Variants in CAST observed in about 807,000 individuals in gnomAD.
CAST encodes the protein calpastatin.
Under a neutral mutation model 119.6 loss-of-function variants are expected in CAST, and 76 were observed. That is an observed-to-expected ratio of 0.64 (90% CI 0.53 to 0.77). The LOEUF (loss-of-function observed/expected upper bound fraction) is 0.77. CAST is among the 30% of genes least tolerant of loss of function. CAST has a pLI of 0.00. For synonymous variants in CAST, 319 were observed against 331.6 expected (o/e 0.96, Z 0.41); for missense variants, 953 against 946.5 (o/e 1.01, Z -0.09).
chr5:96,427,208 G>C, the CAST span, among the ~76,000 whole-genome samples: 2 of 152,116 alleles, frequency 1.3e-5, no homozygotes, highest in Non-Finnish European at 2.9e-5. Context: ...TGAAAACCAA[G>C]AGCAATTTTT....
At chr5:96,422,200 G>A in the CAST span, among the ~76,000 whole-genome samples, 1 of 152,146 alleles carries the variant, frequency 6.6e-6, no homozygotes, top group African/African-American at 2.4e-5. Context: ...CCAAGCCTAT[G>A]GTTCACAGGC....
chr5:96,120,488 T>A, the CAST span, among the ~76,000 whole-genome samples: 1 of 151,708 alleles, frequency 6.6e-6, no homozygotes, highest in African/African-American at 2.4e-5. Context: ...TCTGTGAGCT[T>A]TTTTTTCTTT....
At chr5:96,143,990 A>G in the CAST span, among the ~76,000 whole-genome samples, 2 of 152,214 alleles carry the variant, frequency 1.3e-5, no homozygotes, top group Non-Finnish European at 2.9e-5. Flanking sequence ...TTCTATACAT[A>G]TACTTGGTAG....
the CAST span, among the ~76,000 whole-genome samples, chr5:96,261,921 C>T: frequency 1.3e-5 from 2 of 152,248 alleles, no homozygotes; most frequent in South Asian, 2.1e-4. Flanking sequence ...TTTTTATGAT[C>T]ACATCTAATC....
chr5:96,166,546 C>G, the CAST span, among the ~76,000 whole-genome samples: 3 of 152,264 alleles, frequency 2.0e-5, no homozygotes, highest in African/African-American at 7.2e-5. Context: ...GATTTAAGTG[C>G]TCCAGGTAGC....
At chr5:96,394,821 C>T in the CAST span, 7 of 1,592,396 alleles carry the variant, frequency 4.4e-6, no homozygotes, top group African/African-American at 1.3e-5. Context: ...CATTGTCTAC[C>T]CCAGTTCAAA....
chr5:96,153,081 A>G, the CAST span, among the ~76,000 whole-genome samples: 12 of 152,272 alleles, frequency 7.9e-5, no homozygotes, highest in Admixed American at 5.2e-4. Context: ...TTAAAAGTAC[A>G]AATAAAACGT....
chr5:96,560,782 A>T (rs1746343150), intron 1 of CAST, among the ~76,000 whole-genome samples: 1 of 152,164 alleles, frequency 6.6e-6, no homozygotes, highest in Admixed American at 6.5e-5. Flanking sequence ...ACCATTGTGG[A>T]AGTCAGTGTG....
chr5:96,707,754 G>A (rs759183681), intron 3 of CAST, among the ~76,000 whole-genome samples: 2 of 152,036 alleles, frequency 1.3e-5, no homozygotes, highest in African/African-American at 2.4e-5. Flanking sequence ...AGATTAAAGC[G>A]CTTAGTATGC....
chr5:96,588,388 G>A, intron 1 of CAST, among the ~76,000 whole-genome samples: 2 of 151,860 alleles, frequency 1.3e-5, no homozygotes, highest in Non-Finnish European at 1.5e-5. Context: ...TTTTAGTAGA[G>A]ATGGGGCTTC....
intron 1 of CAST, among the ~76,000 whole-genome samples, chr5:96,656,049 A>G (rs1748153771): frequency 6.6e-6 from 1 of 152,246 alleles, no homozygotes; most frequent in Admixed American, 6.5e-5. Flanking sequence ...TTACAGATGA[A>G]TAAAACATAG....
chr5:96,481,653 T>C, the CAST span, among the ~76,000 whole-genome samples: 9 of 152,204 alleles, frequency 5.9e-5, no homozygotes, highest in Non-Finnish European at 1.0e-4. Flanking sequence ...GTATAAGACA[T>C]TTGGTTTCAA....
intron 1 of CAST, among the ~76,000 whole-genome samples, chr5:96,565,979 A>G (rs1746460991): frequency 6.6e-6 from 1 of 152,212 alleles, no homozygotes; most frequent in Non-Finnish European, 1.5e-5. Flanking sequence ...ATTTATCCTA[A>G]CTGAAAATAG....
the CAST span, among the ~76,000 whole-genome samples, chr5:96,354,403 A>C: frequency 6.6e-6 from 1 of 152,196 alleles, no homozygotes; most frequent in Non-Finnish European, 1.5e-5. Context: ...TCTCAGAGGC[A>C]GCCATTTTGA....
At chr5:96,731,145 A>G (rs963345768) in intron 9 of CAST, among the ~76,000 whole-genome samples, 3 of 152,218 alleles carry the variant, frequency 2.0e-5, no homozygotes, top group African/African-American at 7.2e-5. Flanking sequence ...TCTCCCTTCC[A>G]AATGTATAGA....
the CAST span, among the ~76,000 whole-genome samples, chr5:96,063,525 G>T: frequency 6.6e-6 from 1 of 152,218 alleles, no homozygotes; most frequent in African/African-American, 2.4e-5. Context: ...TTTCCCTCCT[G>T]AAAATATTCA....
the CAST span, among the ~76,000 whole-genome samples, chr5:96,162,950 A>AT: frequency 6.6e-6 from 1 of 152,076 alleles, no homozygotes; most frequent in East Asian, 1.9e-4. Flanking sequence ...TTTTTCTTCT[A>AT]TTTTTCAGAA....
the CAST span, among the ~76,000 whole-genome samples, chr5:96,167,623 T>C: frequency 6.6e-6 from 1 of 152,176 alleles, no homozygotes; most frequent in East Asian, 1.9e-4. Flanking sequence ...CCTGAAAAAC[T>C]GCTTGGGTGA....
chr5:96,176,351 G>C, the CAST span, among the ~76,000 whole-genome samples: 238 of 152,298 alleles, frequency 1.6e-3, no homozygotes, highest in Non-Finnish European at 2.5e-3. Flanking sequence ...CTGAGGAAAA[G>C]GACAACTTTT....
Sources: allele counts gnomAD v4.1 joint callset (sites outside exome capture counted in the v4.1 genomes callset), GRCh38; gene constraint gnomAD v4.1.1; transcripts MANE v1.5; gene names NCBI Gene and HGNC (gene_info 2026-07-23, HGNC 2026-07-21).